Variants in SMURF1 observed in about 807,000 individuals in gnomAD.
SMURF1 encodes E3 ubiquitin-protein ligase SMURF1.
SMURF1 carries 44 observed loss-of-function variants against 98.0 expected under a neutral mutation model. The observed-to-expected ratio is 0.45, with a 90% confidence interval of 0.35 to 0.58. SMURF1 has a LOEUF of 0.58. Among genes scored for constraint, SMURF1 ranks in the 20% least tolerant of loss-of-function variants. The probability of loss-of-function intolerance (pLI) is 0.00; values close to 1 mark genes in which losing one functional copy is unlikely to be tolerated. For missense variants in SMURF1, 687 were observed against 938.4 expected, an observed-to-expected ratio of 0.73 and a Z score of 3.50; for synonymous variants, 396 against 374.9, an observed-to-expected ratio of 1.06 and a Z score of -0.65.
chr7:99,042,799 G>A (rs971037907), intron 11 of SMURF1, among the ~76,000 whole-genome samples: 4 of 152,134 alleles, frequency 2.6e-5, no homozygotes, highest in South Asian at 2.1e-4. Context: ...TCAACGGATC[G>A]CATTAAGATA....
At chr7:99,091,580 C>T (rs1359997862) in intron 1 of SMURF1, among the ~76,000 whole-genome samples, 4 of 152,130 alleles carry the variant, frequency 2.6e-5, no homozygotes, top group Non-Finnish European at 5.9e-5. Context: ...AACCAAGGAG[C>T]CTCTAATTCA....
chr7:99,135,205 C>T (rs1244406971), intron 1 of SMURF1, among the ~76,000 whole-genome samples: 2 of 152,162 alleles, frequency 1.3e-5, no homozygotes, highest in South Asian at 4.1e-4. Flanking sequence ...AAATTCTTAT[C>T]TATTTAAGAG....
chr7:99,143,492 G>C (rs1163234690), intron 1 of SMURF1, among the ~76,000 whole-genome samples: 1 of 136,060 alleles, frequency 7.3e-6, no homozygotes, highest in Non-Finnish European at 1.6e-5. Flanking sequence ...GCAGGTGCGG[G>C]GGAACGGGAG....
At chr7:99,106,182 A>G (rs1300832984) in intron 1 of SMURF1, among the ~76,000 whole-genome samples, 1 of 152,214 alleles carries the variant, frequency 6.6e-6, no homozygotes, top group East Asian at 1.9e-4. Flanking sequence ...ATAGTACAGA[A>G]AAAGGTTATT....
intron 1 of SMURF1, among the ~76,000 whole-genome samples, chr7:99,065,874 C>T (rs574978625): frequency 8.5e-5 from 13 of 152,192 alleles, no homozygotes; most frequent in Non-Finnish European, 1.6e-4. Flanking sequence ...GGTGAAACCC[C>T]GTCTCTACTA....
intron 1 of SMURF1, among the ~76,000 whole-genome samples, chr7:99,140,281 C>CTTTTTTTT (rs11421940): frequency 9.3e-5 from 8 of 85,816 alleles, no homozygotes; most frequent in East Asian, 3.9e-4. Flanking sequence ...CTTCAGTATC[C>CTTTTTTTT]TTTTTTTTTT....
chr7:99,143,631 G>T, intron 1 of SMURF1, 95 bp downstream of exon 1: 2 of 1,081,964 alleles, frequency 1.8e-6, no homozygotes, highest in African/African-American at 1.7e-5. Context: ...ACAACGGCCG[G>T]CGTGGGGGAG....
chr7:99,045,089 T>G (rs1795528280), intron 11 of SMURF1, among the ~76,000 whole-genome samples: 2 of 151,646 alleles, frequency 1.3e-5, no homozygotes, highest in Non-Finnish European at 2.9e-5. Flanking sequence ...CAGTGAGCTA[T>G]GATTGTGCCA....
chr7:99,113,252 C>T (rs1427367350), intron 1 of SMURF1, among the ~76,000 whole-genome samples: 1 of 152,004 alleles, frequency 6.6e-6, no homozygotes, highest in Non-Finnish European at 1.5e-5. Context: ...ATGACAAAGA[C>T]AAAGAGAGAA....
intron 1 of SMURF1, among the ~76,000 whole-genome samples, chr7:99,136,886 G>A (rs1028812075): frequency 2.0e-5 from 3 of 152,306 alleles, no homozygotes; most frequent in African/African-American, 7.2e-5. Context: ...AGAAGTCGAG[G>A]CTGCAGTGAG....
At chr7:99,068,621 A>T (rs1563015130) in intron 1 of SMURF1, among the ~76,000 whole-genome samples, 1 of 152,146 alleles carries the variant, frequency 6.6e-6, no homozygotes, top group Non-Finnish European at 1.5e-5. Flanking sequence ...TTTGAATGCC[A>T]TTTTCATGTT....
intron 1 of SMURF1, among the ~76,000 whole-genome samples, chr7:99,128,746 T>G (rs1349593732): frequency 6.6e-6 from 1 of 152,226 alleles, no homozygotes; most frequent in African/African-American, 2.4e-5. Flanking sequence ...TAGTTCGTGC[T>G]ACTCTAAGAG....
intron 1 of SMURF1, among the ~76,000 whole-genome samples, chr7:99,119,092 T>C (rs1303333640): frequency 7.1e-6 from 1 of 140,274 alleles, no homozygotes; most frequent in Non-Finnish European, 1.5e-5. Flanking sequence ...GAATTCCTGA[T>C]CTCCAGGATA....
intron 1 of SMURF1, among the ~76,000 whole-genome samples, chr7:99,063,229 TATA>T (rs1796079667): frequency 8.6e-6 from 1 of 116,790 alleles, no homozygotes; most frequent in African/African-American, 3.6e-5. Flanking sequence ...TATATATATA[TATA>T]AGATTTATTT....
At position 99,053,029 on chromosome 7, in the gene SMURF1, C is replaced by T. The variant is rs576231339; in HGVS notation, c.480-583G>A. Among the ~76,000 whole-genome samples the T allele has an allele frequency of 1.5e-3, 234 of 152,220 alleles. 8 individuals are homozygous for T. In the South Asian group the frequency reaches 0.047, roughly 30 times the overall value. ...CCAAGATTGTGCCATTGTACTCCAG[C>T]CTGGGTGACAGAGCGAGACTCCATC... On this transcript the variant is annotated intron_variant, in intron 6 of 17. Transcript: ENST00000361368.
chr7:99,074,131 C>A (rs903957075), intron 1 of SMURF1, among the ~76,000 whole-genome samples: 1 of 152,150 alleles, frequency 6.6e-6, no homozygotes, highest in African/African-American at 2.4e-5. Flanking sequence ...ATATAAAGTA[C>A]AAAAGCAGAC....
chr7:99,035,904 C>T (rs577320928), intron 15 of SMURF1, 188 bp from the exon 16 acceptor site: 1 of 621,790 alleles, frequency 1.6e-6, no homozygotes, highest in African/African-American at 1.8e-5. Context: ...CTTCCGTCCG[C>T]CTCCTCCAAA....
At chr7:99,135,594 T>A (rs908553686) in intron 1 of SMURF1, among the ~76,000 whole-genome samples, 1 of 152,262 alleles carries the variant, frequency 6.6e-6, no homozygotes, top group African/African-American at 2.4e-5. Flanking sequence ...TCTTATTATG[T>A]TACAGCTACA....
chr7:99,059,452 TA>T (rs1217708185), intron 3 of SMURF1, among the ~76,000 whole-genome samples: 9 of 144,064 alleles, frequency 6.2e-5, no homozygotes, highest in African/African-American at 2.3e-4. Flanking sequence ...TAAAATAAAA[TA>T]AAATAAAATA....
Sources: gnomAD v4.1 joint callset for allele counts (sites outside exome capture counted in the v4.1 genomes callset) on GRCh38, gnomAD v4.1.1 for gene constraint, MANE v1.5 for transcripts, NCBI Gene and HGNC (gene_info 2026-07-23, HGNC 2026-07-21) for gene names.